The following DCDC2 variants were observed in gnomAD, a reference collection of about 807,000 sequenced individuals.
The protein encoded by DCDC2 is doublecortin domain-containing protein 2.
In DCDC2, 40 loss-of-function variants were observed where a neutral mutation model predicts 50.2. The observed-to-expected ratio is 0.80, with a 90% CI of 0.62 to 1.04. DCDC2 has a LOEUF of 1.04. Among genes scored for constraint, DCDC2 ranks in the 50% least tolerant of loss-of-function variants. The pLI is 0.00. For synonymous variants in DCDC2, 234 were observed against 210.6 expected, an observed-to-expected ratio of 1.11 and a Z score of -0.96; for missense variants, 570 against 581.9, an observed-to-expected ratio of 0.98 and a Z score of 0.21.
At chr6:24,207,717 G>C (rs545851613) in intron 7 of DCDC2, among the ~76,000 whole-genome samples, 3 of 152,106 alleles carry the variant, frequency 2.0e-5, no homozygotes, top group African/African-American at 4.8e-5. Flanking sequence ...ACTGCAAAGA[G>C]TAAGTCCTCA....
At chr6:24,298,166 C>T (rs1759294021) in intron 4 of DCDC2, among the ~76,000 whole-genome samples, 1 of 152,196 alleles carries the variant, frequency 6.6e-6, no homozygotes, top group African/African-American at 2.4e-5. Flanking sequence ...ACCTCGCATG[C>T]ACAGTTCACA....
At chr6:24,213,820 T>A (rs890101690) in intron 7 of DCDC2, among the ~76,000 whole-genome samples, 3 of 152,108 alleles carry the variant, frequency 2.0e-5, no homozygotes, top group African/African-American at 7.2e-5. Flanking sequence ...CTGGGATCCC[T>A]GTCACAACTT....
intron 7 of DCDC2, among the ~76,000 whole-genome samples, chr6:24,214,668 T>C (rs1761938545): frequency 6.6e-6 from 1 of 152,206 alleles, no homozygotes; most frequent in African/African-American, 2.4e-5. Context: ...GCAAATTAGT[T>C]TTAGTTCATC....
chr6:24,199,322 G>C (rs1761528569), intron 8 of DCDC2, among the ~76,000 whole-genome samples: 2 of 152,210 alleles, frequency 1.3e-5, no homozygotes, highest in Admixed American at 6.5e-5. Context: ...GGAACAGGCA[G>C]CAATCTTTGC....
intron 7 of DCDC2, among the ~76,000 whole-genome samples, chr6:24,272,548 G>A (rs893547769): frequency 2.6e-5 from 4 of 152,024 alleles, no homozygotes; most frequent in Non-Finnish European, 5.9e-5. Flanking sequence ...TAAAAAGTGG[G>A]CAAAGGACAT....
upstream of DCDC2, among the ~76,000 whole-genome samples, chr6:24,362,850 C>T (rs1001458917): frequency 3.3e-5 from 5 of 152,186 alleles, no homozygotes; most frequent in African/African-American, 1.2e-4. Context: ...GGCAGAGGAA[C>T]AACAAAAACA....
At chr6:24,220,636 A>AT (rs1299819710) in intron 7 of DCDC2, among the ~76,000 whole-genome samples, 1 of 152,182 alleles carries the variant, frequency 6.6e-6, no homozygotes, top group African/African-American at 2.4e-5. Context: ...TTTTTATCAT[A>AT]TTATGTATGG....
chr6:24,222,591 T>A (rs1442303646), intron 7 of DCDC2, among the ~76,000 whole-genome samples: 1 of 152,196 alleles, frequency 6.6e-6, no homozygotes, highest in African/African-American at 2.4e-5. Flanking sequence ...TATGAGAACA[T>A]CTGTAACTTT....
chr6:24,176,525 T>C (rs9467064), intron 9 of DCDC2, among the ~76,000 whole-genome samples: 341 of 152,294 alleles, frequency 2.2e-3, no homozygotes, highest in Middle Eastern at 0.014. Context: ...TGTATGTTTA[T>C]AGCATACAAA....
At chr6:24,225,566 T>A (rs1271702274) in intron 7 of DCDC2, among the ~76,000 whole-genome samples, 1 of 152,186 alleles carries the variant, frequency 6.6e-6, no homozygotes, top group Admixed American at 6.5e-5. Context: ...CCATCTCCCC[T>A]TCCTAAGCAG....
intron 7 of DCDC2, among the ~76,000 whole-genome samples, chr6:24,253,346 G>A (rs975077246): frequency 1.3e-5 from 2 of 152,164 alleles, no homozygotes; most frequent in African/African-American, 2.4e-5. Flanking sequence ...GAAGATATAA[G>A]GAATACCTTT....
chr6:24,177,249 A>C (rs1760942890), intron 9 of DCDC2, among the ~76,000 whole-genome samples: 1 of 152,358 alleles, frequency 6.6e-6, no homozygotes, highest in South Asian at 2.1e-4. Flanking sequence ...CCTTGAGAAA[A>C]GATAAGAGAC....
At chr6:24,380,431 G>A in the DCDC2 span, among the ~76,000 whole-genome samples, 30 of 152,144 alleles carry the variant, frequency 2.0e-4, no homozygotes, top group African/African-American at 6.5e-4. Context: ...GTGGACTGAA[G>A]ATGAAGAAAG....
At chr6:24,329,902 T>C (rs957597129) in intron 2 of DCDC2, among the ~76,000 whole-genome samples, 2 of 152,174 alleles carry the variant, frequency 1.3e-5, no homozygotes, top group African/African-American at 2.4e-5. Context: ...TTGCATGGTA[T>C]GAAATACTGG....
intron 8 of DCDC2, among the ~76,000 whole-genome samples, chr6:24,184,785 G>A (rs976677948): frequency 1.3e-5 from 2 of 152,100 alleles, no homozygotes; most frequent in South Asian, 2.1e-4. Flanking sequence ...CTGAAAATTG[G>A]ATAATTATAC....
At chr6:24,288,684 T>A (rs935760260) in intron 6 of DCDC2, among the ~76,000 whole-genome samples, 168 bp downstream of exon 6, 2 of 152,354 alleles carry the variant, frequency 1.3e-5, no homozygotes, top group African/African-American at 4.8e-5. Context: ...TAGCTCTGTT[T>A]AGGACCATAA....
rs565914246 is a variant in DCDC2, at chr6:24,238,459, C to T, written c.923-33357G>A. 5.9e-5 allele frequency among the ~76,000 whole-genome samples: 9 copies of T among 151,600 alleles called. No homozygotes were observed. The South Asian group carries it at 1.9e-3, about 32-fold the overall frequency. On this transcript the variant is annotated intron_variant, in intron 7 of 9. Coordinates refer to ENST00000378454, the MANE Select transcript of DCDC2 (RefSeq NM_016356.5). ...AATTACAGGTATGCACCACCATGCCCAGCTAATTTGTATATTTTTAGTAGA... is the reference window on the plus strand; with the variant it reads ...AATTACAGGTATGCACCACCATGCCTAGCTAATTTGTATATTTTTAGTAGA...
At chr6:24,258,461 T>C (rs940289141) in intron 7 of DCDC2, among the ~76,000 whole-genome samples, 1 of 152,114 alleles carries the variant, frequency 6.6e-6, no homozygotes, top group African/African-American at 2.4e-5. Flanking sequence ...AGAGCACTGA[T>C]TGGTGCATTT....
upstream of DCDC2, among the ~76,000 whole-genome samples, chr6:24,362,943 A>G (rs1026945738): frequency 3.3e-5 from 5 of 152,170 alleles, no homozygotes; most frequent in African/African-American, 1.2e-4. Context: ...CAAAGTCCGA[A>G]CACTGAGCAA....
Sources: gnomAD v4.1 joint callset for allele counts (sites outside exome capture counted in the v4.1 genomes callset) on GRCh38, gnomAD v4.1.1 for gene constraint, MANE v1.5 for transcripts, NCBI Gene and HGNC (gene_info 2026-07-23, HGNC 2026-07-21) for gene names.